Variants in CMSS1 observed in about 807,000 individuals in gnomAD.
CMSS1 encodes the protein protein CMSS1.
In CMSS1, 33 loss-of-function variants were observed where a neutral mutation model predicts 43.5. The ratio of observed to expected loss-of-function variants is 0.76; its 90% CI spans 0.57 to 1.01. The LOEUF (loss-of-function observed/expected upper bound fraction) is 1.01, where lower values mean the gene tolerates loss of function less well. Among genes scored for constraint, CMSS1 ranks in the 50% least tolerant of loss-of-function variants. The pLI is 0.00. For missense variants in CMSS1, 313 were observed against 326.4 expected (o/e 0.96, Z 0.32); for synonymous variants, 115 against 117.2 (o/e 0.98, Z 0.12).
At chr3:99,985,575 T>C (rs1268939858) in intron 1 of CMSS1, among the ~76,000 whole-genome samples, 3 of 152,006 alleles carry the variant, frequency 2.0e-5, no homozygotes, top group Non-Finnish European at 4.4e-5. Context: ...GTGAATTTCT[T>C]TTATAATCAT....
At chr3:99,880,598 T>A (rs190520821) in intron 1 of CMSS1, among the ~76,000 whole-genome samples, 1 of 152,326 alleles carries the variant, frequency 6.6e-6, no homozygotes, top group Non-Finnish European at 1.5e-5. Flanking sequence ...TGCTAGGGAA[T>A]GGGAAGTCCT....
At chr3:99,856,031 C>T (rs1317151037) in intron 1 of CMSS1, among the ~76,000 whole-genome samples, 1 of 152,160 alleles carries the variant, frequency 6.6e-6, no homozygotes, top group African/African-American at 2.4e-5. Flanking sequence ...GCATTGTCCT[C>T]AGCTGAAGAA....
chr3:99,900,927 G>T (rs1171506610), intron 1 of CMSS1, among the ~76,000 whole-genome samples: 4 of 152,204 alleles, frequency 2.6e-5, no homozygotes, highest in Non-Finnish European at 5.9e-5. Flanking sequence ...GTATGCCTGA[G>T]GGGAAGGGGC....
intron 1 of CMSS1, chr3:99,898,069 T>G (rs1706316930): frequency 6.6e-6 from 1 of 152,228 alleles, no homozygotes; most frequent in African/African-American, 2.4e-5. Context: ...GTATTTATTT[T>G]TAAATAGGCT....
At chr3:100,126,140 C>G (rs1283128878) in intron 1 of CMSS1, among the ~76,000 whole-genome samples, 1 of 152,148 alleles carries the variant, frequency 6.6e-6, no homozygotes, top group Non-Finnish European at 1.5e-5. Context: ...AGAACTGTTC[C>G]TACAGCTAGT....
chr3:100,176,001 C>T (rs957266933), intron 8 of CMSS1, among the ~76,000 whole-genome samples: 5 of 152,214 alleles, frequency 3.3e-5, no homozygotes, highest in African/African-American at 9.6e-5. Flanking sequence ...CGGGATTTAA[C>T]TTAGCAAATC....
chr3:100,147,756 A>G (rs1164250267), intron 2 of CMSS1, among the ~76,000 whole-genome samples: 1 of 152,224 alleles, frequency 6.6e-6, no homozygotes, highest in Non-Finnish European at 1.5e-5. Context: ...CCATGCTGCC[A>G]GCAGGCTCCT....
chr3:99,984,050 GTA>G (rs202165148), intron 1 of CMSS1, among the ~76,000 whole-genome samples: 1 of 151,032 alleles, frequency 6.6e-6, no homozygotes. Context: ...GGATGTATAT[GTA>G]TGTGTGTTTG....
intron 1 of CMSS1, among the ~76,000 whole-genome samples, chr3:100,037,943 T>TTC (rs2065135531): frequency 7.3e-6 from 1 of 136,714 alleles, no homozygotes; most frequent in Non-Finnish European, 1.6e-5. Context: ...GCTTTTCTTT[T>TTC]TTTTTTTTTT....
At chr3:100,136,764 ATACACT>A (rs2066759583) in intron 1 of CMSS1, among the ~76,000 whole-genome samples, 1 of 152,184 alleles carries the variant, frequency 6.6e-6, no homozygotes, top group Non-Finnish European at 1.5e-5. Flanking sequence ...TAAATGAGAG[ATACACT>A]TACAGGCCAT....
chr3:99,855,191 T>G (rs1244760481), intron 1 of CMSS1, among the ~76,000 whole-genome samples: 3 of 152,170 alleles, frequency 2.0e-5, no homozygotes, highest in Admixed American at 6.5e-5. Flanking sequence ...GACCACCCAT[T>G]TTTTTCAAAG....
chr3:99,856,569 A>G (rs997386730), intron 1 of CMSS1, among the ~76,000 whole-genome samples: 2 of 152,228 alleles, frequency 1.3e-5, no homozygotes, highest in Non-Finnish European at 2.9e-5. Flanking sequence ...GCAGTATCTT[A>G]TTACAGCTTT....
intron 1 of CMSS1, among the ~76,000 whole-genome samples, chr3:100,078,089 AAGAT>A (rs1474681500): frequency 1.3e-5 from 2 of 152,118 alleles, no homozygotes; most frequent in African/African-American, 4.8e-5. Context: ...AAAAAAAAAA[AAGAT>A]AATATATGCT....
At chr3:100,149,306 G>A (rs1451549635) in intron 2 of CMSS1, among the ~76,000 whole-genome samples, 1 of 152,110 alleles carries the variant, frequency 6.6e-6, no homozygotes, top group Non-Finnish European at 1.5e-5. Context: ...GGTTCTGGGG[G>A]TCATGGCCCA....
At chr3:100,023,410 T>G (rs1330550037) in intron 1 of CMSS1, 1 of 152,616 alleles carries the variant, frequency 6.6e-6, no homozygotes, top group Admixed American at 6.6e-5. Flanking sequence ...GATTGTTTTC[T>G]CGTTGGATGA....
chr3:99,991,599 C>T (rs1309646658), intron 1 of CMSS1, among the ~76,000 whole-genome samples: 1 of 151,926 alleles, frequency 6.6e-6, no homozygotes, highest in African/African-American at 2.4e-5. Flanking sequence ...CCCTCACCCC[C>T]CTGCCACCTT....
At chr3:100,143,173 A>G (rs2066818617) in intron 1 of CMSS1, among the ~76,000 whole-genome samples, 1 of 152,176 alleles carries the variant, frequency 6.6e-6, no homozygotes, top group African/African-American at 2.4e-5. Flanking sequence ...GGTAGCCTTT[A>G]GATTTCTTGG....
Position 100,181,015 on chromosome 3 carries a change from C to CA in CMSS1, c.*2629dup, listed in dbSNP as rs1188621520. ...ACCACATCTTGTGGCAACAAGAGAG[C>CA]AAGAGAGTGAAGGGGGAAGTGCTAT... On this transcript the variant is annotated 3_prime_UTR_variant, in exon 10 of 10. Coordinates refer to ENST00000421999, the MANE Select transcript of CMSS1 (RefSeq NM_032359.4). 2.6e-5 allele frequency: 4 copies of CA among 152,164 alleles called. No homozygotes were observed. Among genetic ancestry groups the CA allele is most frequent in the African/African-American group, 7.2e-5 (3 of 41,418 alleles). 9.4% of individuals were successfully genotyped at this position (152,164 alleles called of 1,614,324 possible). A position where few individuals can be genotyped will look rare whatever the true frequency, so the allele number is the denominator to read the frequency against.
intron 1 of CMSS1, chr3:99,876,103 C>T (rs1316190514): frequency 1.1e-5 from 11 of 986,338 alleles, no homozygotes; most frequent in African/African-American, 1.7e-5. Context: ...CGGGCGGGGG[C>T]CGGGCCGGGG....
Sources: allele counts gnomAD v4.1 joint callset (sites outside exome capture counted in the v4.1 genomes callset), GRCh38; gene constraint gnomAD v4.1.1; transcripts MANE v1.5; gene names NCBI Gene and HGNC (gene_info 2026-07-23, HGNC 2026-07-21).